The following ATP6V1D variants were observed in gnomAD, a reference collection of about 807,000 sequenced individuals.
The protein encoded by ATP6V1D is ATPase H+ transporting V1 subunit D, also known as V-type proton ATPase subunit D.
In ATP6V1D, 20 loss-of-function variants were observed where a neutral mutation model predicts 39.4. The observed-to-expected ratio is 0.51, with a 90% CI of 0.36 to 0.74. The LOEUF (loss-of-function observed/expected upper bound fraction) is 0.74, where lower values mean the gene tolerates loss of function less well. Among genes scored for constraint, ATP6V1D ranks in the 30% least tolerant of loss-of-function variants. The probability of loss-of-function intolerance (pLI) is 0.00; values close to 1 mark genes in which losing one functional copy is unlikely to be tolerated. For missense variants in ATP6V1D, 228 were observed against 291.6 expected, an observed-to-expected ratio of 0.78 and a Z score of 1.59; for synonymous variants, 100 against 100.5, an observed-to-expected ratio of 0.99 and a Z score of 0.03.
intron 6 of ATP6V1D, 30 bp downstream of exon 6, chr14:67,345,738 C>G (rs368782103): frequency 2.0e-5 from 29 of 1,480,966 alleles, no homozygotes; most frequent in Non-Finnish European, 2.6e-5. Context: ...AATCAAACTA[C>G]AGGAGTTCTC....
At chr14:67,340,645 T>A in intron 7 of ATP6V1D, 127 bp from the exon 8 acceptor site, 1 of 784,052 alleles carries the variant, frequency 1.3e-6, no homozygotes. Context: ...TGCAGAGAAC[T>A]TGGAAAATAA....
At chr14:67,340,540 T>C in intron 7 of ATP6V1D, 22 bp from the exon 8 acceptor site, 8 of 1,570,838 alleles carry the variant, frequency 5.1e-6, no homozygotes, top group Non-Finnish European at 7.0e-6. Context: ...AAAAAAATAA[T>C]ATGTGTGAGA....
chr14:67,347,349 T>C (rs1184598832), intron 5 of ATP6V1D, 60 bp downstream of exon 5: 1 of 1,388,208 alleles, frequency 7.2e-7, no homozygotes, highest in East Asian at 2.3e-5. Context: ...ACTTAGTTCA[T>C]TTAAAGAGGA....
chr14:67,347,305 A>G, intron 5 of ATP6V1D, 104 bp downstream of exon 5: 1 of 895,022 alleles, frequency 1.1e-6, no homozygotes, highest in East Asian at 2.6e-5. Flanking sequence ...TTTCTAACTC[A>G]GGAACCTCTC....
At chr14:67,339,470 C>T (rs1399336115) in intron 8 of ATP6V1D, among the ~76,000 whole-genome samples, 1 of 152,134 alleles carries the variant, frequency 6.6e-6, no homozygotes, top group Non-Finnish European at 1.5e-5. Context: ...AACTCCAGGT[C>T]TAAGACCCCC....
chr14:67,340,032 CA>C (rs34358102), intron 8 of ATP6V1D: 344 of 71,772 alleles, frequency 4.8e-3, no homozygotes, highest in Middle Eastern at 9.3e-3. Context: ...CTCTGTCTCA[CA>C]AAAAAAAAAA....
chr14:67,342,217 A>AT (rs1555343495), intron 7 of ATP6V1D, among the ~76,000 whole-genome samples: 98 of 116,108 alleles, frequency 8.4e-4, no homozygotes, highest in African/African-American at 3.9e-3. Flanking sequence ...AATAAATAAA[A>AT]TAAAATAAAA....
chr14:67,352,426 CAAAAA>C (rs557204300), intron 2 of ATP6V1D, among the ~76,000 whole-genome samples: 1 of 76,776 alleles, frequency 1.3e-5, no homozygotes, highest in Admixed American at 1.4e-4. Context: ...GACCTTGCCT[CAAAAA>C]AAAAAAAAAA....
chr14:67,356,346 G>A (rs1778746654), intron 1 of ATP6V1D, among the ~76,000 whole-genome samples: 1 of 151,592 alleles, frequency 6.6e-6, no homozygotes, highest in East Asian at 1.9e-4. Context: ...ACTTGAACCT[G>A]GCAGGCAGAG....
chr14:67,341,648 GC>G (rs1038844399), intron 7 of ATP6V1D, among the ~76,000 whole-genome samples: 2 of 152,164 alleles, frequency 1.3e-5, no homozygotes, highest in African/African-American at 4.8e-5. Flanking sequence ...GAAGTGAGGA[GC>G]CCCTCTGCCC....
intron 7 of ATP6V1D, among the ~76,000 whole-genome samples, chr14:67,341,098 G>C (rs1175887735): frequency 6.6e-6 from 1 of 152,042 alleles, no homozygotes; most frequent in African/African-American, 2.4e-5. Flanking sequence ...GCCGCCACCC[G>C]GTCTGGGAAG....
At chr14:67,359,193 C>T (rs2085709010) in intron 1 of ATP6V1D, among the ~76,000 whole-genome samples, 1 of 152,174 alleles carries the variant, frequency 6.6e-6, no homozygotes, top group African/African-American at 2.4e-5. Flanking sequence ...GATTCCATCC[C>T]CACTTTGGCT....
intron 1 of ATP6V1D, among the ~76,000 whole-genome samples, chr14:67,357,474 G>A (rs184632995): frequency 2.4e-4 from 37 of 152,202 alleles, no homozygotes; most frequent in African/African-American, 8.9e-4. Context: ...TCAGCAAGCT[G>A]AGAGCTTTCA....
chr14:67,356,026 C>A (rs1536273), intron 1 of ATP6V1D, among the ~76,000 whole-genome samples: 23,536 of 151,756 alleles, frequency 0.16, 3,448 homozygotes, highest in East Asian at 0.42. Flanking sequence ...TAATAAAATT[C>A]AACAATAAGG....
chr14:67,341,257 T>C (rs1329079692), intron 7 of ATP6V1D, among the ~76,000 whole-genome samples: 3 of 148,816 alleles, frequency 2.0e-5, no homozygotes, highest in Non-Finnish European at 4.5e-5. Flanking sequence ...GCCCATCGTC[T>C]GAGATGTGGG....
intron 6 of ATP6V1D, among the ~76,000 whole-genome samples, chr14:67,344,827 GC>G (rs1338250631): frequency 1.3e-5 from 2 of 151,514 alleles, no homozygotes; most frequent in African/African-American, 2.4e-5. Context: ...GCTGCAGTTA[GC>G]CAAGATCGCA....
chr14:67,342,705 T>C (rs2085594351), intron 7 of ATP6V1D, among the ~76,000 whole-genome samples: 1 of 150,750 alleles, frequency 6.6e-6, no homozygotes, highest in Non-Finnish European at 1.5e-5. Flanking sequence ...AATATATTTC[T>C]AACAATATAG....
At chr14:67,352,057 G>A (rs2085657956) in intron 2 of ATP6V1D, among the ~76,000 whole-genome samples, 1 of 151,900 alleles carries the variant, frequency 6.6e-6, no homozygotes, top group African/African-American at 2.4e-5. Flanking sequence ...GGATGAGGTG[G>A]AATGATCACT....
intron 1 of ATP6V1D, among the ~76,000 whole-genome samples, chr14:67,353,430 G>A (rs113206563): frequency 2.0e-5 from 3 of 152,244 alleles, no homozygotes; most frequent in African/African-American, 7.2e-5. Context: ...AGGATCCCTT[G>A]AGCCTGGGAG....
Sources: allele counts gnomAD v4.1 joint callset (sites outside exome capture counted in the v4.1 genomes callset), GRCh38; gene constraint gnomAD v4.1.1; transcripts MANE v1.5; gene names NCBI Gene and HGNC (gene_info 2026-07-23, HGNC 2026-07-21).